FBXO25: variants seen among roughly 807,000 people sequenced by gnomAD.
FBXO25 encodes F-box only protein 25.
A neutral mutation model predicts 51.9 loss-of-function variants in FBXO25; 45 were observed. The observed-to-expected ratio is 0.87, with a 90% CI of 0.68 to 1.11. The LOEUF is 1.11. Ranked by LOEUF, FBXO25 falls within the 50% of genes most tolerant of loss-of-function variation. The pLI, the probability that FBXO25 is intolerant of heterozygous loss-of-function variation, is 0.00. For synonymous variants in FBXO25, 199 were observed against 151.0 expected (o/e 1.32, Z -2.33); for missense variants, 507 against 428.5 (o/e 1.18, Z -1.62).
In FBXO25 at chr8:475,494, A is replaced by C. The variant is rs1420939908; in HGVS notation, c.*6690A>C. The C allele has an allele frequency of 7.9e-5, 12 of 152,648 alleles. No individual in the cohort carries two copies. Among genetic ancestry groups the C allele is most frequent in the African/African-American group, 2.9e-4 (12 of 41,344 alleles). The allele number at this position is 152,648 out of a possible 1,614,324, so 9.5% of individuals were successfully genotyped here. A position where few individuals can be genotyped will look rare whatever the true frequency, so the allele number is the denominator to read the frequency against. The stretch of plus-strand genomic sequence containing the variant: ...ACTGGGATATTCTGATAGAGATTGC[A>C]TGAAATCTATAGATTGCTTTGGACT... On this transcript the variant is annotated 3_prime_UTR_variant, in exon 10 of 10. Transcript: ENST00000350302.
intron 7 of FBXO25, 151 bp downstream of exon 7, chr8:451,604 G>A: frequency 1.2e-6 from 1 of 804,584 alleles, no homozygotes; most frequent in Non-Finnish European, 1.9e-6. Context: ...AAATAGAAAA[G>A]GACCAAAGAC....
intron 7 of FBXO25, among the ~76,000 whole-genome samples, chr8:453,386 G>C (rs1799214470): frequency 6.6e-6 from 1 of 152,058 alleles, no homozygotes; most frequent in African/African-American, 2.4e-5. Context: ...GAGGATCTTG[G>C]CTTCTGGACC....
intron 7 of FBXO25, among the ~76,000 whole-genome samples, chr8:454,088 C>T (rs1324475546): frequency 6.6e-6 from 1 of 152,106 alleles, no homozygotes; most frequent in Non-Finnish European, 1.5e-5. Context: ...CGTGCCATTG[C>T]ACTCCAGCGT....
At chr8:449,948 A>T in intron 5 of FBXO25, 42 bp from the exon 6 acceptor site, 1 of 1,335,018 alleles carries the variant, frequency 7.5e-7, no homozygotes, top group Non-Finnish European at 1.1e-6. Flanking sequence ...ATTCCATATT[A>T]AATATATATA....
intron 9 of FBXO25, among the ~76,000 whole-genome samples, 170 bp from the exon 10 acceptor site, chr8:468,545 C>G (rs930113725): frequency 6.6e-6 from 1 of 151,978 alleles, no homozygotes; most frequent in African/African-American, 2.4e-5. Flanking sequence ...TATGTAGAAT[C>G]GGCTGCGGCT....
intron 8 of FBXO25, among the ~76,000 whole-genome samples, chr8:461,308 G>A (rs1799794514): frequency 6.6e-6 from 1 of 152,148 alleles, no homozygotes; most frequent in African/African-American, 2.4e-5. Flanking sequence ...ACATACCCGA[G>A]ACTGGGTAAT....
At chr8:468,137 T>C in intron 9 of FBXO25, 1 of 1,039,872 alleles carries the variant, frequency 9.6e-7, no homozygotes, top group Non-Finnish European at 1.2e-6. Flanking sequence ...AATTAATTTT[T>C]CTGTCGTCAC....
intron 5 of FBXO25, among the ~76,000 whole-genome samples, chr8:438,701 C>T (rs1290111583): frequency 2.0e-5 from 3 of 152,192 alleles, no homozygotes; most frequent in Admixed American, 1.3e-4. Context: ...GTGTGCAGAT[C>T]AACGTACCTT....
chr8:458,643 T>C, intron 8 of FBXO25, 92 bp downstream of exon 8: 1 of 1,213,018 alleles, frequency 8.2e-7, no homozygotes, highest in Non-Finnish European at 1.2e-6. Context: ...AGAGAAAGAA[T>C]GGCTGAGTAT....
intron 7 of FBXO25, among the ~76,000 whole-genome samples, chr8:457,221 C>T (rs1799499749): frequency 6.6e-6 from 1 of 152,202 alleles, no homozygotes; most frequent in Non-Finnish European, 1.5e-5. Flanking sequence ...CCCGCCCAAA[C>T]AGCCAGAACC....
rs59080288 is a variant in FBXO25, at chr8:472,316, A to G, written c.*3512A>G. Reference sequence around the variant, plus strand: ...TTTTCTGCATCTCTTAAGATAATGTAGTTTTTGGCCTTCATAAGATCATGT... The same window carrying G: ...TTTTCTGCATCTCTTAAGATAATGTGGTTTTTGGCCTTCATAAGATCATGT... On this transcript the variant is annotated 3_prime_UTR_variant, in exon 10 of 10. Coordinates refer to ENST00000350302, the MANE Select transcript of FBXO25 (RefSeq NM_183420.2). 71,172 of 152,078 alleles carry G rather than the reference A, an allele frequency of 0.47. 19,632 individuals carry two copies. Among genetic ancestry groups the G allele is most frequent in the African/African-American group, 0.78 (32,257 of 41,506 alleles). 9.4% of individuals were successfully genotyped at this position (152,078 alleles called of 1,614,324 possible).
rs753143913 is a variant in FBXO25 at position 468,735 on chromosome 8, G to A, written c.1008G>A (p.Thr336=). 2.9e-5 allele frequency: 46 copies of A among 1,613,824 alleles called. No individual in the cohort carries two copies. In the East Asian group the frequency reaches 4.0e-4, roughly 14 times the overall value. Reference sequence around the variant, plus strand: ...CACAGGACTCAGGACACCCCTGCACGGCGGCCGACCCTGACAGCTGCTTCA... The same window carrying A: ...CACAGGACTCAGGACACCCCTGCACAGCGGCCGACCCTGACAGCTGCTTCA... ...LFWKDSGHPC[T]AADPDSCFTP... is the part of the protein sequence containing the mutation. The change falls in exon 10 of 10, where the codon ACG becomes ACA. Residue 336 remains threonine, a synonymous_variant. Coordinates refer to ENST00000350302, the MANE Select transcript of FBXO25 (RefSeq NM_183420.2).
At chr8:462,673 G>T (rs1799888299) in intron 8 of FBXO25, among the ~76,000 whole-genome samples, 1 of 143,192 alleles carries the variant, frequency 7.0e-6, no homozygotes, top group African/African-American at 2.5e-5. Context: ...TATGTTCTCA[G>T]TTATAAGTGG....
chr8:436,876 TGA>T (rs1006175951), intron 5 of FBXO25, among the ~76,000 whole-genome samples: 1 of 152,144 alleles, frequency 6.6e-6, no homozygotes, highest in Non-Finnish European at 1.5e-5. Context: ...TTGGTGTGAG[TGA>T]GAGAGTAGGA....
At chr8:442,809 T>C (rs1712193657) in intron 5 of FBXO25, among the ~76,000 whole-genome samples, 1 of 152,190 alleles carries the variant, frequency 6.6e-6, no homozygotes, top group South Asian at 2.1e-4. Flanking sequence ...AAAGATATCT[T>C]CTAATTTCCT....
intron 4 of FBXO25, among the ~76,000 whole-genome samples, chr8:433,352 C>G (rs1181087610): frequency 6.6e-6 from 1 of 152,098 alleles, no homozygotes; most frequent in East Asian, 1.9e-4. Flanking sequence ...TTATTTAAAC[C>G]AAGCATGGAC....
In FBXO25 at chr8:475,160, T is replaced by C. The variant is rs1407342927; in HGVS notation, c.*6356T>C. 3 of 347,882 alleles carry C rather than the reference T, an allele frequency of 8.6e-6. No homozygotes were observed. Among genetic ancestry groups the C allele is most frequent in the South Asian group, 6.9e-5 (3 of 43,398 alleles). The allele number at this position is 347,882 out of a possible 1,614,324, so 21.5% of individuals were successfully genotyped here. Reference sequence around the variant, plus strand: ...ATGGTGTGAGGTAGATCTAGCTTCATGTGGATGTCCACTTGTCTAGCACCA... The same window carrying C: ...ATGGTGTGAGGTAGATCTAGCTTCACGTGGATGTCCACTTGTCTAGCACCA... On this transcript the variant is annotated 3_prime_UTR_variant, in exon 10 of 10. Transcript: ENST00000350302.
At chr8:433,803 C>A (rs943596778) in intron 4 of FBXO25, among the ~76,000 whole-genome samples, 2 of 152,136 alleles carry the variant, frequency 1.3e-5, no homozygotes, top group Admixed American at 6.5e-5. Context: ...AGTCCAGCTT[C>A]CAAGAAACTG....
At chr8:463,936 G>A (rs887476896) in intron 9 of FBXO25, among the ~76,000 whole-genome samples, 1 of 152,088 alleles carries the variant, frequency 6.6e-6, no homozygotes, top group Non-Finnish European at 1.5e-5. Context: ...CTACAGGCAG[G>A]TGCTACCACA....
Sources: gnomAD v4.1 joint callset for allele counts (sites outside exome capture counted in the v4.1 genomes callset) on GRCh38, gnomAD v4.1.1 for gene constraint, MANE v1.5 for transcripts, NCBI Gene and HGNC (gene_info 2026-07-23, HGNC 2026-07-21) for gene names.